CADPS: variants seen among roughly 807,000 people sequenced by gnomAD.
CADPS encodes the protein calcium dependent secretion activator, also known as calcium-dependent secretion activator 1.
A neutral mutation model predicts 167.3 loss-of-function variants in CADPS; 57 were observed. The ratio of observed to expected loss-of-function variants is 0.34; its 90% CI spans 0.28 to 0.42. The LOEUF (loss-of-function observed/expected upper bound fraction) is 0.42, where lower values mean the gene tolerates loss of function less well. Ranked by LOEUF, CADPS falls within the 20% of genes least tolerant of loss-of-function variation. The pLI is 1.00. For missense variants in CADPS, 1,414 were observed against 1,738.1 expected, an observed-to-expected ratio of 0.81 and a Z score of 3.32; for synonymous variants, 676 against 635.3, an observed-to-expected ratio of 1.06 and a Z score of -0.96.
chr3:62,472,105 G>A (rs1319076063), intron 24 of CADPS, among the ~76,000 whole-genome samples: 1 of 152,130 alleles, frequency 6.6e-6, no homozygotes, highest in Non-Finnish European at 1.5e-5. Context: ...AGACACAAAC[G>A]GCCACATATT....
At chr3:62,516,305 GC>G (rs1331293305) in intron 15 of CADPS, 123 bp from the exon 16 acceptor site, 2 of 1,281,236 alleles carry the variant, frequency 1.6e-6, no homozygotes, top group East Asian at 4.8e-5. Context: ...TGAGAGCCAT[GC>G]TTAAAGAGAA....
intron 1 of CADPS, among the ~76,000 whole-genome samples, chr3:62,844,828 C>G (rs898951029): frequency 1.1e-4 from 17 of 152,134 alleles, no homozygotes; most frequent in Non-Finnish European, 2.9e-5. Flanking sequence ...TGGTCAAACT[C>G]TGGCTAAGCT....
chr3:62,814,803 A>C (rs1401178297), intron 1 of CADPS, among the ~76,000 whole-genome samples: 3 of 152,178 alleles, frequency 2.0e-5, no homozygotes, highest in Non-Finnish European at 4.4e-5. Context: ...ATGAAACTTA[A>C]TTGTTAAGCA....
At chr3:62,449,047 T>C (rs2057660021) in intron 26 of CADPS, among the ~76,000 whole-genome samples, 2 of 152,238 alleles carry the variant, frequency 1.3e-5, no homozygotes, top group South Asian at 4.1e-4. Flanking sequence ...AAAACCATAA[T>C]ATTCATGTAG....
At chr3:62,550,138 C>A (rs1429520906) in intron 10 of CADPS, 23 bp from the exon 11 acceptor site, 1 of 1,586,932 alleles carries the variant, frequency 6.3e-7, no homozygotes, top group Non-Finnish European at 8.7e-7. Context: ...GGAGTAACAA[C>A]TTCTACTAAG....
At chr3:62,622,888 G>A (rs777160186) in intron 6 of CADPS, among the ~76,000 whole-genome samples, 3 of 152,132 alleles carry the variant, frequency 2.0e-5, no homozygotes, top group Non-Finnish European at 4.4e-5. Context: ...ATTTCCATTT[G>A]TTGCAGAAAT....
At chr3:62,521,560 T>C (rs2070598964) in intron 13 of CADPS, among the ~76,000 whole-genome samples, 1 of 152,158 alleles carries the variant, frequency 6.6e-6, no homozygotes, top group Non-Finnish European at 1.5e-5. Context: ...GCTAAATCAC[T>C]AAAGGAGACA....
chr3:62,697,278 C>T (rs1270392391), intron 3 of CADPS, among the ~76,000 whole-genome samples: 5 of 45,356 alleles, frequency 1.1e-4, no homozygotes, highest in Non-Finnish European at 5.3e-5. Flanking sequence ...ATCCTTTCCC[C>T]TGAGTCCCCA....
chr3:62,414,882 C>G (rs375189261), intron 28 of CADPS, among the ~76,000 whole-genome samples: 2 of 152,220 alleles, frequency 1.3e-5, no homozygotes, highest in South Asian at 2.1e-4. Context: ...TGTTCCCAAC[C>G]CCCCCAAACC....
intron 3 of CADPS, among the ~76,000 whole-genome samples, chr3:62,708,204 A>T (rs2082683739): frequency 6.6e-6 from 1 of 151,864 alleles, no homozygotes; most frequent in African/African-American, 2.4e-5. Context: ...GATGACAGGC[A>T]TGAGCCACTG....
intron 1 of CADPS, among the ~76,000 whole-genome samples, chr3:62,792,225 T>C (rs943771938): frequency 5.4e-4 from 81 of 150,832 alleles, no homozygotes; most frequent in African/African-American, 1.9e-3. Context: ...TGAGATAGGG[T>C]CTTGCTCTGT....
At chr3:62,865,654 A>G (rs1420297876) in intron 1 of CADPS, among the ~76,000 whole-genome samples, 1 of 152,122 alleles carries the variant, frequency 6.6e-6, no homozygotes, top group African/African-American at 2.4e-5. Flanking sequence ...AGCAAAAATA[A>G]TTTTCTTTGA....
At chr3:62,502,864 C>G (rs1016701421) in intron 17 of CADPS, among the ~76,000 whole-genome samples, 2 of 151,640 alleles carry the variant, frequency 1.3e-5, no homozygotes, top group African/African-American at 4.8e-5. Context: ...TGAAGAGAGA[C>G]AGTAAAAAAG....
intron 18 of CADPS, among the ~76,000 whole-genome samples, chr3:62,497,611 C>T (rs563666481): frequency 8.5e-5 from 13 of 152,336 alleles, no homozygotes; most frequent in Non-Finnish European, 1.5e-4. Flanking sequence ...CATGGCTGTG[C>T]GTTGCGGATA....
At chr3:62,468,340 T>C (rs2060183275) in intron 24 of CADPS, among the ~76,000 whole-genome samples, 1 of 152,012 alleles carries the variant, frequency 6.6e-6, no homozygotes, top group Admixed American at 6.6e-5. Flanking sequence ...ATTATGGGAG[T>C]AAACTAAATC....
At chr3:62,660,888 G>A (rs2073046099) in intron 4 of CADPS, among the ~76,000 whole-genome samples, 1 of 152,192 alleles carries the variant, frequency 6.6e-6, no homozygotes, top group African/African-American at 2.4e-5. Flanking sequence ...TAAGCCCGGT[G>A]CCAGCCCTGA....
chr3:62,467,936 A>G (rs2060134557), intron 24 of CADPS, among the ~76,000 whole-genome samples: 1 of 152,120 alleles, frequency 6.6e-6, no homozygotes, highest in African/African-American at 2.4e-5. Flanking sequence ...ATCAAGTATT[A>G]GATAAGGGTA....
chr3:62,667,744 G>A (rs1323004509), intron 3 of CADPS, among the ~76,000 whole-genome samples: 1 of 151,906 alleles, frequency 6.6e-6, no homozygotes, highest in African/African-American at 2.4e-5. Flanking sequence ...TGCTCACCTA[G>A]GCAATTTTCC....
At chr3:62,660,166 T>A (rs1337822830) in intron 4 of CADPS, among the ~76,000 whole-genome samples, 1 of 152,114 alleles carries the variant, frequency 6.6e-6, no homozygotes, top group African/African-American at 2.4e-5. Flanking sequence ...TCTTAAATTA[T>A]CATGTTAAGC....
Sources: gnomAD v4.1 joint callset for allele counts (sites outside exome capture counted in the v4.1 genomes callset) on GRCh38, gnomAD v4.1.1 for gene constraint, MANE v1.5 for transcripts, NCBI Gene and HGNC (gene_info 2026-07-23, HGNC 2026-07-21) for gene names.